The following ADK variants were observed in gnomAD, a reference collection of about 807,000 sequenced individuals.
The protein encoded by ADK is N6,N6-dimethyladenosine kinase.
Under a neutral mutation model 44.7 loss-of-function variants are expected in ADK, and 24 were observed. The observed-to-expected ratio is 0.54, with a 90% CI of 0.39 to 0.76. ADK has a LOEUF of 0.76. ADK is among the 30% of genes least tolerant of loss of function. The pLI is 0.00. For synonymous variants in ADK, 128 were observed against 142.6 expected (o/e 0.90, Z 0.73); for missense variants, 321 against 425.1 (o/e 0.76, Z 2.15).
At chr10:74,451,386 G>A (rs1845774698) in intron 6 of ADK, among the ~76,000 whole-genome samples, 1 of 151,958 alleles carries the variant, frequency 6.6e-6, no homozygotes, top group African/African-American at 2.4e-5. Flanking sequence ...TTTCCCAAAG[G>A]TATGATAAAA....
At chr10:74,437,841 T>G (rs551614664) in intron 6 of ADK, among the ~76,000 whole-genome samples, 1 of 152,308 alleles carries the variant, frequency 6.6e-6, no homozygotes, top group East Asian at 1.9e-4. Context: ...CTTACATGGC[T>G]TTCCTCCTAC....
At chr10:74,257,675 A>G (rs1343838157) in intron 3 of ADK, among the ~76,000 whole-genome samples, 2 of 152,202 alleles carry the variant, frequency 1.3e-5, no homozygotes, top group African/African-American at 2.4e-5. Flanking sequence ...TTATACAACT[A>G]TACAAGCCAA....
intron 1 of ADK, among the ~76,000 whole-genome samples, chr10:74,152,558 G>A (rs991607751): frequency 6.6e-6 from 1 of 152,110 alleles, no homozygotes; most frequent in Admixed American, 6.6e-5. Flanking sequence ...GAAGACAGAT[G>A]CAACTTTTCC....
chr10:74,484,715 C>A (rs866352900), intron 6 of ADK, among the ~76,000 whole-genome samples: 1 of 152,158 alleles, frequency 6.6e-6, no homozygotes, highest in Admixed American at 6.5e-5. Flanking sequence ...TGTAATATAG[C>A]AGTTCGCTAT....
intron 4 of ADK, among the ~76,000 whole-genome samples, chr10:74,381,561 T>C (rs1323819814): frequency 1.3e-5 from 2 of 152,214 alleles, no homozygotes; most frequent in Non-Finnish European, 2.9e-5. Context: ...TTGTGTGTAA[T>C]GCCTTGAATT....
rs138768544 is a variant in ADK at position 74,477,345 on chromosome 10, C to T, written c.556-47911C>T. On this transcript the variant is annotated intron_variant, in intron 6 of 10. Transcript: ENST00000539909. ...TCAGCCTCCCGAGTAGCTGGGTTTA[C>T]GGGTGCATGCCACCAGGACTGGCTG... Among the ~76,000 whole-genome samples, 357 of 152,120 alleles carry T rather than the reference C, an allele frequency of 2.3e-3. 1 individual carries two copies. Among genetic ancestry groups the T allele is most frequent in the Non-Finnish European group, 3.8e-3 (258 of 67,992 alleles).
chr10:74,675,980 C>T (rs1394028927), intron 10 of ADK, among the ~76,000 whole-genome samples: 1 of 149,954 alleles, frequency 6.7e-6, no homozygotes, highest in East Asian at 2.0e-4. Context: ...TATGTGTAGG[C>T]ACTTATATAC....
At chr10:74,415,298 TCAG>T (rs1844330626) in intron 6 of ADK, among the ~76,000 whole-genome samples, 1 of 152,228 alleles carries the variant, frequency 6.6e-6, no homozygotes, top group South Asian at 2.1e-4. Flanking sequence ...TTTAGACCAA[TCAG>T]CAGTTGCTTG....
At chr10:74,417,592 G>A (rs1844416541) in intron 6 of ADK, among the ~76,000 whole-genome samples, 1 of 151,978 alleles carries the variant, frequency 6.6e-6, no homozygotes, top group African/African-American at 2.4e-5. Context: ...TTTCCTGACA[G>A]CAATCCTGAA....
At chr10:74,175,585 T>C (rs1357532893) in intron 1 of ADK, among the ~76,000 whole-genome samples, 1 of 152,134 alleles carries the variant, frequency 6.6e-6, no homozygotes, top group African/African-American at 2.4e-5. Flanking sequence ...TTGATCACCA[T>C]CCTAGATGGT....
chr10:74,329,888 G>A (rs920079120), intron 4 of ADK, among the ~76,000 whole-genome samples: 3 of 152,110 alleles, frequency 2.0e-5, no homozygotes, highest in Non-Finnish European at 4.4e-5. Flanking sequence ...TAGGCCAGAT[G>A]TGATGGCTCA....
intron 3 of ADK, among the ~76,000 whole-genome samples, chr10:74,274,764 T>C (rs113362523): frequency 0.017 from 801 of 46,878 alleles, 42 homozygotes; most frequent in African/African-American, 0.049. Context: ...ACACATTATA[T>C]ATATATAATT....
At chr10:74,549,085 A>G (rs1165037547) in intron 7 of ADK, among the ~76,000 whole-genome samples, 1 of 152,234 alleles carries the variant, frequency 6.6e-6, no homozygotes, top group Admixed American at 6.5e-5. Flanking sequence ...TTATAATTCA[A>G]TTATTCATTT....
At chr10:74,221,935 C>T (rs1213831310) in intron 2 of ADK, among the ~76,000 whole-genome samples, 1 of 152,194 alleles carries the variant, frequency 6.6e-6, no homozygotes, top group African/African-American at 2.4e-5. Flanking sequence ...AAAACCTAGG[C>T]ATTACTATTC....
chr10:74,640,510 C>T (rs1002918623), intron 9 of ADK, among the ~76,000 whole-genome samples: 2 of 152,188 alleles, frequency 1.3e-5, no homozygotes, highest in Admixed American at 6.5e-5. Flanking sequence ...TTTCAATTCT[C>T]TGGGCCTTAT....
chr10:74,276,527 T>C (rs1028680078), intron 3 of ADK, among the ~76,000 whole-genome samples: 5 of 152,236 alleles, frequency 3.3e-5, no homozygotes, highest in African/African-American at 9.6e-5. Context: ...TATAGTTCTA[T>C]AGGCCAGAAA....
chr10:74,320,252 G>A (rs1484914230), intron 4 of ADK, among the ~76,000 whole-genome samples: 1 of 152,098 alleles, frequency 6.6e-6, no homozygotes, highest in Non-Finnish European at 1.5e-5. Flanking sequence ...TTGGTTAACG[G>A]TGCTTTTCTT....
intron 3 of ADK, among the ~76,000 whole-genome samples, chr10:74,281,659 CA>C (rs1347380158): frequency 6.6e-6 from 1 of 151,890 alleles, no homozygotes; most frequent in Admixed American, 6.6e-5. Flanking sequence ...CTTAGAATAC[CA>C]ATCAAAATAA....
chr10:74,344,470 C>G (rs1256387911), intron 4 of ADK: 1 of 192,896 alleles, frequency 5.2e-6, no homozygotes, highest in Non-Finnish European at 1.1e-5. Context: ...AAGGTGGCAC[C>G]TGCTTTCAGG....
Sources: allele counts gnomAD v4.1 joint callset (sites outside exome capture counted in the v4.1 genomes callset), GRCh38; gene constraint gnomAD v4.1.1; transcripts MANE v1.5; gene names NCBI Gene and HGNC (gene_info 2026-07-23, HGNC 2026-07-21).